CNTNAP1: variants seen among roughly 807,000 people sequenced by gnomAD.
CNTNAP1 encodes contactin associated protein 1.
A neutral mutation model predicts 161.5 loss-of-function variants in CNTNAP1; 80 were observed. The observed-to-expected ratio is 0.50, with a 90% CI of 0.41 to 0.60. CNTNAP1 has a LOEUF of 0.60. Among genes scored for constraint, CNTNAP1 ranks in the 20% least tolerant of loss-of-function variants. The pLI is 0.00. For synonymous variants in CNTNAP1, 695 were observed against 733.1 expected (o/e 0.95, Z 0.84); for missense variants, 1,464 against 1,854.8 (o/e 0.79, Z 3.87).
chr17:42,687,287 C>A lies in CNTNAP1; in HGVS notation c.1044+241C>A. ...TAGTTCATAGATGAAGAAAGTAAGG[C>A]GCAGACACAGGGAGTGGCTTGTCCA... On this transcript the variant is annotated intron_variant, in intron 7 of 23. Coordinates refer to ENST00000264638, the MANE Select transcript of CNTNAP1 (RefSeq NM_003632.3). The surrounding 1 kb of genome is among the most constrained non-coding windows in gnomAD (Gnocchi z 4.7). The A allele has an allele frequency of 1.8e-6, 1 of 554,910 alleles. No individual in the cohort carries two copies. Among genetic ancestry groups the A allele is most frequent in the Non-Finnish European group, 3.1e-6 (1 of 317,940 alleles). 34.4% of individuals were successfully genotyped at this position (554,910 alleles called of 1,614,324 possible). A position where few individuals can be genotyped will look rare whatever the true frequency, so the allele number is the denominator to read the frequency against.
intron 10 of CNTNAP1, 33 bp from the exon 11 acceptor site, chr17:42,689,488 G>A (rs1292810914): frequency 6.4e-7 from 1 of 1,557,866 alleles, no homozygotes; most frequent in South Asian, 1.1e-5. Context: ...CTCCCAGTAA[G>A]GCTCCTTCCC....
chr17:42,686,881 T>C, intron 6 of CNTNAP1, 22 bp from the exon 7 acceptor site: 1 of 1,584,298 alleles, frequency 6.3e-7, no homozygotes, highest in South Asian at 1.1e-5. Context: ...CCAAGAGGCC[T>C]CATTCCCCAC....
chr17:42,699,130 T>G lies in CNTNAP1; in HGVS notation c.*220T>G. 1 of 435,094 alleles carries G rather than the reference T, an allele frequency of 2.3e-6. No homozygotes were observed. The allele number at this position is 435,094 out of a possible 1,614,324, so 27.0% of individuals were successfully genotyped here. A position where few individuals can be genotyped will look rare whatever the true frequency, so the allele number is the denominator to read the frequency against. ...TAAACCAATGCCCTTCTCATCCCTG[T>G]TTCCCCAGGCTCCTGGCTGTTTATC... On this transcript the variant is annotated 3_prime_UTR_variant, in exon 24 of 24. Transcript: ENST00000264638.
Position 42,690,044 on chromosome 17 carries a change from C to T in CNTNAP1, c.1736-44C>T, listed in dbSNP as rs754783883. 3.7e-6 allele frequency: 6 copies of T among 1,611,252 alleles called. 1 individual carries two copies. The South Asian group carries it at 5.5e-5, about 15-fold the overall frequency. ...CCCGAGCCGCCGCACCTGGCCAGCC[C>T]TCTAACTCTCTAACTGCCTTTGTCT... is the stretch of plus-strand genomic sequence containing the variant. On this transcript the variant is annotated intron_variant, in intron 11 of 23. Transcript: ENST00000264638.
chr17:42,696,241 G>A (rs2053150678), intron 20 of CNTNAP1, 89 bp downstream of exon 20: 2 of 1,514,062 alleles, frequency 1.3e-6, no homozygotes, highest in Non-Finnish European at 9.1e-7. Flanking sequence ...CTTAATATTT[G>A]TAGATCACAT....
At chr17:42,694,392 G>A (rs544299705) in intron 18 of CNTNAP1, among the ~76,000 whole-genome samples, 4 of 151,472 alleles carry the variant, frequency 2.6e-5, no homozygotes, top group African/African-American at 7.3e-5. Context: ...GGCTGGTCAC[G>A]AACTTCTGAC....
At position 42,684,993 on chromosome 17, in the gene CNTNAP1, C is replaced by G; in HGVS notation, c.366C>G (p.Thr122=). ...ACTACTCTCCTCCACCCCCGCAGAC[C>G]TTCTTTGGTAACGTGAACGAGTCGG... The part of the protein sequence containing the change: ...TPFYQRGHNS[T]FFGNVNESAV... Residue 122 remains threonine (T), a splice_region_variant and synonymous_variant, in exon 4 of 24, where the codon ACC becomes ACG. Coordinates refer to ENST00000264638, the MANE Select transcript of CNTNAP1 (RefSeq NM_003632.3). The G allele has an allele frequency of 6.2e-7, 1 of 1,607,340 alleles. No homozygotes were observed. Among genetic ancestry groups the G allele is most frequent in the South Asian group, 1.1e-5 (1 of 90,088 alleles).
At chr17:42,695,381 G>T (rs1372230892) in intron 18 of CNTNAP1, 140 bp from the exon 19 acceptor site, 1 of 683,278 alleles carries the variant, frequency 1.5e-6, no homozygotes, top group Admixed American at 2.6e-5. Context: ...AGGGGCTCAA[G>T]GGGACCTAAA....
At chr17:42,683,073 C>A in intron 1 of CNTNAP1, 177 bp downstream of exon 1, 1 of 662,412 alleles carries the variant, frequency 1.5e-6, no homozygotes, top group Non-Finnish European at 2.5e-6. Context: ...CTGAGGCTGC[C>A]GCGCGCGCCC....
intron 9 of CNTNAP1, 31 bp from the exon 10 acceptor site, chr17:42,688,845 G>T: frequency 1.2e-6 from 2 of 1,612,758 alleles, no homozygotes; most frequent in South Asian, 2.2e-5. Context: ...GGTCTCCCCT[G>T]GGGAGGATCT....
At chr17:42,690,028 C>A (rs2053064927) in intron 11 of CNTNAP1, 60 bp from the exon 12 acceptor site, 3 of 1,600,192 alleles carry the variant, frequency 1.9e-6, no homozygotes, top group South Asian at 2.2e-5. Context: ...GCCCGAGCCG[C>A]CGCACCTGGC....
Position 42,695,736 on chromosome 17 carries a change from C to G in CNTNAP1, c.3208C>G (p.Pro1070Ala). ...PDYPRPGRPV[P>A]GYRGPVYNVT... Reference sequence around the variant, plus strand: ...CTACCCCCGGCCTGGTCGGCCTGTGCCCGGTTACCGTGGGCCTGTCTACAA... The same window carrying G: ...CTACCCCCGGCCTGGTCGGCCTGTGGCCGGTTACCGTGGGCCTGTCTACAA... Residue 1070 changes from proline (P) to alanine (A), a missense_variant, in exon 19 of 24, where the codon CCC becomes GCC. Physicochemically the swap from Pro to Ala is conservative, Grantham distance 27. Coordinates refer to ENST00000264638, the MANE Select transcript of CNTNAP1 (RefSeq NM_003632.3). 6.2e-7 allele frequency: 1 copy of G among 1,614,234 alleles called. No homozygotes were observed. The highest frequency in any genetic ancestry group is 8.5e-7 in the Non-Finnish European group (1 of 1,180,042).
chr17:42,693,352 G>A lies in CNTNAP1; in HGVS notation c.2808G>A (p.Leu936=), dbSNP rs1444958760. Reference sequence around the variant, plus strand: ...TGGGTTGCTTGAGGGCCATGCGTCTGAACGGAGTGACTCTGAACCTGGAGG... The same window carrying A: ...TGGGTTGCTTGAGGGCCATGCGTCTAAACGGAGTGACTCTGAACCTGGAGG... ...PFVGCLRAMR[L]NGVTLNLEGR... is the part of the protein sequence containing the mutation. Residue 936 remains leucine (L), a synonymous_variant, in exon 18 of 24, where the codon CTG becomes CTA. Coordinates refer to ENST00000264638, the MANE Select transcript of CNTNAP1 (RefSeq NM_003632.3). The A allele has an allele frequency of 6.2e-7, 1 of 1,614,208 alleles. No homozygotes were observed. Among genetic ancestry groups the A allele is most frequent in the Non-Finnish European group, 8.5e-7 (1 of 1,180,040 alleles).
chr17:42,687,550 A>G lies in CNTNAP1; in HGVS notation c.1045-170A>G. On this transcript the variant is annotated intron_variant, in intron 7 of 23. Transcript: ENST00000264638. The surrounding 1 kb of genome is among the most constrained non-coding windows in gnomAD (Gnocchi z 4.7). The stretch of plus-strand genomic sequence containing the variant: ...GGCCGACTGGGTTGGGGCCCCCTCC[A>G]CAGATGGACGAGCTTGGAGGGGAAG... 1.1e-6 allele frequency: 1 copy of G among 880,912 alleles called. No homozygotes were observed. Among genetic ancestry groups the G allele is most frequent in the Non-Finnish European group, 1.7e-6 (1 of 576,628 alleles). 54.6% of individuals were successfully genotyped at this position (880,912 alleles called of 1,614,324 possible). A position where few individuals can be genotyped will look rare whatever the true frequency, so the allele number is the denominator to read the frequency against.
At chr17:42,688,409 T>C in intron 8 of CNTNAP1, 53 bp from the exon 9 acceptor site, 1 of 1,612,792 alleles carries the variant, frequency 6.2e-7, no homozygotes, top group East Asian at 2.2e-5. Context: ...AGAACATTCT[T>C]CTACCCTAGT....
In CNTNAP1 at chr17:42,688,897, G is replaced by C; in HGVS notation, c.1478G>C (p.Arg493Pro). 6.2e-7 allele frequency: 1 copy of C among 1,614,060 alleles called. No homozygotes were observed. Among genetic ancestry groups the C allele is most frequent in the Non-Finnish European group, 8.5e-7 (1 of 1,179,960 alleles). ...FFGGCPKPAS[R>P]WDCHSNQTAF... ...CCAGGTTGTCCCAAGCCAGCCAGTC[G>C]ATGGGACTGCCACTCCAACCAGACG... Residue 493 changes from arginine to proline, a missense_variant, in exon 10 of 24, where the codon CGA (arginine) becomes CCA (proline). Transcript: ENST00000264638.
intron 2 of CNTNAP1, 37 bp from the exon 3 acceptor site, chr17:42,683,999 G>A (rs550457350): frequency 1.2e-6 from 2 of 1,613,474 alleles, no homozygotes; most frequent in African/African-American, 2.7e-5. Flanking sequence ...ACTTCGGGGA[G>A]AGGGATAGCC....
intron 1 of CNTNAP1, 152 bp from the exon 2 acceptor site, chr17:42,683,669 A>T (rs923657819): frequency 2.2e-5 from 32 of 1,434,250 alleles, no homozygotes; most frequent in Non-Finnish European, 2.8e-5. Context: ...TGCAGCCAGG[A>T]TTGAATAGAT....
Position 42,689,502 on chromosome 17 carries a change from G to C in CNTNAP1, c.1629-19G>C. ...GCTCCCAGTAAGGCTCCTTCCCTTG[G>C]TCCTGACCCCTTCCCTAGGTGCAGC... On this transcript the variant is annotated intron_variant, in intron 10 of 23. Transcript: ENST00000264638. 6.2e-7 allele frequency: 1 copy of C among 1,603,614 alleles called. No homozygotes were observed. Among genetic ancestry groups the C allele is most frequent in the Admixed American group, 1.7e-5 (1 of 59,682 alleles).
Sources: gnomAD v4.1 joint callset for allele counts (sites outside exome capture counted in the v4.1 genomes callset) on GRCh38, gnomAD v4.1.1 for gene constraint, Gnocchi (gnomAD v3.1) non-coding constraint, MANE v1.5 for transcripts, NCBI Gene and HGNC (gene_info 2026-07-23, HGNC 2026-07-21) for gene names.